CEACAM21: variants seen among roughly 807,000 people sequenced by gnomAD.
The protein encoded by CEACAM21 is cell adhesion molecule CEACAM21.
Under a neutral mutation model 33.2 loss-of-function variants are expected in CEACAM21, and 38 were observed. The ratio of observed to expected loss-of-function variants is 1.14; its 90% CI spans 0.88 to 1.50. The LOEUF is 1.50. CEACAM21 is among the 40% of genes most tolerant of loss of function. CEACAM21 has a pLI of 0.00. For synonymous variants in CEACAM21, 156 were observed against 143.0 expected, an observed-to-expected ratio of 1.09 and a Z score of -0.65; for missense variants, 385 against 364.6, an observed-to-expected ratio of 1.06 and a Z score of -0.46.
chr19:41,571,623 T>C (rs995054074), upstream of CEACAM21, among the ~76,000 whole-genome samples: 1 of 152,218 alleles, frequency 6.6e-6, no homozygotes, highest in East Asian at 1.9e-4. Flanking sequence ...AGCAAAGGAA[T>C]TTCTGTTTAT....
chr19:41,576,253 G>A lies in CEACAM21; in HGVS notation c.-22G>A. 1 of 1,613,942 alleles carries A rather than the reference G, an allele frequency of 6.2e-7. No homozygotes were observed. The highest frequency in any genetic ancestry group is 8.5e-7 in the Non-Finnish European group (1 of 1,179,878). On this transcript the variant is annotated 5_prime_UTR_variant, in exon 1 of 7. Coordinates refer to ENST00000401445, the MANE Select transcript of CEACAM21 (RefSeq NM_001098506.4). ...GCCCAAGCTCCTCTCCACAGAGGAG[G>A]ACAGAGCAGGCAGCAGAGACCATGG...
intron 1 of CEACAM21, among the ~76,000 whole-genome samples, chr19:41,552,651 G>C (rs1441938343): frequency 2.0e-5 from 3 of 152,208 alleles, no homozygotes; most frequent in African/African-American, 7.2e-5. Context: ...GAATCATAGG[G>C]AGATGGAGCA....
intron 3 of CEACAM21, 30 bp downstream of exon 3, chr19:41,579,658 T>C: frequency 7.0e-7 from 1 of 1,429,678 alleles, no homozygotes; most frequent in South Asian, 1.3e-5. Context: ...TCTCACTCCT[T>C]TCCTTGTATA....
chr19:41,557,766 A>G (rs2041626296), intron 1 of CEACAM21, among the ~76,000 whole-genome samples: 1 of 152,218 alleles, frequency 6.6e-6, no homozygotes, highest in Non-Finnish European at 1.5e-5. Context: ...AACAGGGGAT[A>G]CATCTCTCTT....
At chr19:41,559,407 G>C (rs1555786273) in intron 1 of CEACAM21, among the ~76,000 whole-genome samples, 1 of 152,244 alleles carries the variant, frequency 6.6e-6, no homozygotes. Context: ...ATAGGGTGTA[G>C]CTGAAGTGGT....
At chr19:41,550,443 A>G (rs932247116) in intron 1 of CEACAM21, 4 of 152,216 alleles carry the variant, frequency 2.6e-5, no homozygotes, top group African/African-American at 9.6e-5. Context: ...ATCACGTACA[A>G]AATATAAGAA....
intron 3 of CEACAM21, among the ~76,000 whole-genome samples, chr19:41,581,556 A>G (rs2122269542): frequency 6.6e-6 from 1 of 152,298 alleles, no homozygotes; most frequent in East Asian, 1.9e-4. Flanking sequence ...GCTGATAAAG[A>G]CATACCTGAG....
At chr19:41,580,492 T>C (rs1442325037) in intron 3 of CEACAM21, among the ~76,000 whole-genome samples, 3 of 152,232 alleles carry the variant, frequency 2.0e-5, no homozygotes, top group Non-Finnish European at 2.9e-5. Context: ...TTCTTATGAC[T>C]GGCTTCACAT....
intron 1 of CEACAM21, among the ~76,000 whole-genome samples, chr19:41,554,732 T>A (rs1443080368): frequency 6.6e-6 from 1 of 152,084 alleles, no homozygotes; most frequent in Non-Finnish European, 1.5e-5. Context: ...CCTTTACAAT[T>A]TTTGTTAAAG....
chr19:41,570,736 C>T (rs2042547950), intron 2 of CEACAM21, among the ~76,000 whole-genome samples: 1 of 152,124 alleles, frequency 6.6e-6, no homozygotes, highest in African/African-American at 2.4e-5. Flanking sequence ...GGGGTTGTGG[C>T]AGTAAAAGCA....
chr19:41,585,769 C>T (rs1600303362), intron 5 of CEACAM21, 71 bp from the exon 6 acceptor site: 1 of 1,477,562 alleles, frequency 6.8e-7, no homozygotes, highest in Admixed American at 1.8e-5. Flanking sequence ...AACTGAGGAC[C>T]CCCACACACT....
intron 2 of CEACAM21, among the ~76,000 whole-genome samples, chr19:41,569,451 A>G (rs1377260881): frequency 6.6e-6 from 1 of 152,102 alleles, no homozygotes; most frequent in Non-Finnish European, 1.5e-5. Flanking sequence ...CCCTGGGCTC[A>G]AGCAGTCCAC....
chr19:41,579,441 T>C lies in CEACAM21; in HGVS notation c.513T>C (p.Thr171=). The C allele has an allele frequency of 6.2e-7, 1 of 1,613,850 alleles. No individual in the cohort carries two copies. The highest frequency in any genetic ancestry group is 8.5e-7 in the Non-Finnish European group (1 of 1,179,856). ...TCCTGACCTGCCACACAAATAACAC[T>C]GGAACCTCTTTCCAGTGGATTTTCA... The part of the protein sequence containing the change: ...SVVLTCHTNN[T]GTSFQWIFNN... Residue 171 remains threonine, a synonymous_variant, in exon 3 of 7, where the codon ACT becomes ACC. Transcript: ENST00000401445.
intron 3 of CEACAM21, among the ~76,000 whole-genome samples, chr19:41,583,075 CA>C (rs1244180261): frequency 6.6e-6 from 1 of 152,172 alleles, no homozygotes; most frequent in African/African-American, 2.4e-5. Flanking sequence ...GTGTTTTTAA[CA>C]GTACCCAAGT....
intron 1 of CEACAM21, among the ~76,000 whole-genome samples, chr19:41,559,424 G>T (rs141059079): frequency 6.6e-6 from 1 of 152,168 alleles, no homozygotes; most frequent in Non-Finnish European, 1.5e-5. Context: ...TGGTACTTGT[G>T]GGCAAATGTA....
At chr19:41,571,170 T>A (rs1349145460), upstream of CEACAM21, among the ~76,000 whole-genome samples, 1 of 152,120 alleles carries the variant, frequency 6.6e-6, no homozygotes, top group African/African-American at 2.4e-5. Flanking sequence ...GGGCAAAATT[T>A]CCCCTGGCAG....
chr19:41,580,959 A>G (rs564869760), intron 3 of CEACAM21, among the ~76,000 whole-genome samples: 1 of 152,332 alleles, frequency 6.6e-6, no homozygotes, highest in East Asian at 1.9e-4. Flanking sequence ...TCAGTCAATT[A>G]TTAGCTTGAA....
intron 1 of CEACAM21, among the ~76,000 whole-genome samples, chr19:41,556,916 A>G (rs1473676977): frequency 6.6e-6 from 1 of 152,224 alleles, no homozygotes; most frequent in Non-Finnish European, 1.5e-5. Flanking sequence ...CCATGAGTAC[A>G]AATAGGTCAA....
chr19:41,552,738 A>C (rs1358210134), intron 1 of CEACAM21, among the ~76,000 whole-genome samples: 1 of 152,184 alleles, frequency 6.6e-6, no homozygotes, highest in Non-Finnish European at 1.5e-5. Context: ...GGAGTGGAAA[A>C]AGTCGATTTG....
Sources: gnomAD v4.1 joint callset for allele counts (sites outside exome capture counted in the v4.1 genomes callset) on GRCh38, gnomAD v4.1.1 for gene constraint, MANE v1.5 for transcripts, NCBI Gene and HGNC (gene_info 2026-07-23, HGNC 2026-07-21) for gene names.